The following SLC27A5 variants were observed in gnomAD, a reference collection of about 807,000 sequenced individuals.
SLC27A5 encodes long-chain fatty acid transport protein 5.
A neutral mutation model predicts 63.1 loss-of-function variants in SLC27A5; 47 were observed. The observed-to-expected ratio is 0.74, with a 90% CI of 0.59 to 0.95. The LOEUF is 0.95. SLC27A5 is among the 40% of genes least tolerant of loss of function. SLC27A5 has a pLI of 0.00. For missense variants in SLC27A5, 940 were observed against 921.0 expected (o/e 1.02, Z -0.27); for synonymous variants, 391 against 403.8 (o/e 0.97, Z 0.38).
chr19:58,501,275 T>C lies in SLC27A5; in HGVS notation c.1182+11A>G, dbSNP rs2053270605. 1 of 1,612,192 alleles carries C rather than the reference T, an allele frequency of 6.2e-7. No individual in the cohort carries two copies. The highest frequency in any genetic ancestry group is 1.3e-5 in the African/African-American group (1 of 74,856). On this transcript the variant is annotated intron_variant, in intron 4 of 9. Transcript: ENST00000263093. ...GGTGTTCACCATGGAGCCCTAATCT[T>C]AGAGCCTCACCTGGGGAATGTTACA...
At chr19:58,506,649 CTT>C (rs377249164) in intron 3 of SLC27A5, among the ~76,000 whole-genome samples, 11 of 141,862 alleles carry the variant, frequency 7.8e-5, no homozygotes, top group Non-Finnish European at 6.2e-5. Flanking sequence ...ACTATTTTCA[CTT>C]TTTTTTTTTT....
intron 3 of SLC27A5, chr19:58,507,714 C>G (rs1255357325): frequency 2.6e-5 from 4 of 152,096 alleles, no homozygotes; most frequent in African/African-American, 9.7e-5. Flanking sequence ...ATTTTCCTAG[C>G]AAGGAATATT....
intron 3 of SLC27A5, among the ~76,000 whole-genome samples, chr19:58,505,238 T>A (rs1375333099): frequency 6.6e-6 from 1 of 150,850 alleles, no homozygotes; most frequent in Non-Finnish European, 1.5e-5. Flanking sequence ...TAGCTGGAAA[T>A]ACAGGCGCCC....
chr19:58,503,818 A>C lies in SLC27A5; in HGVS notation c.1058-2408T>G, dbSNP rs563539557. Among the ~76,000 whole-genome samples the C allele has an allele frequency of 1.1e-3, 162 of 150,824 alleles. 1 individual carries two copies. Among genetic ancestry groups the C allele is most frequent in the African/African-American group, 3.7e-3 (149 of 40,796 alleles). On this transcript the variant is annotated intron_variant, in intron 3 of 9. Transcript: ENST00000263093. ...ACAAACAAACAAACAAACAAACAAA[A>C]AAACAGCCAATTGGCTGGGCACAGT...
intron 3 of SLC27A5, among the ~76,000 whole-genome samples, chr19:58,504,905 C>T (rs1193537165): frequency 1.3e-5 from 2 of 150,338 alleles, no homozygotes; most frequent in African/African-American, 4.9e-5. Context: ...ACTCCGGAGA[C>T]TTAGGCAGGA....
chr19:58,509,242 C>G (rs913431360), intron 3 of SLC27A5: 3 of 145,352 alleles, frequency 2.1e-5, no homozygotes, highest in African/African-American at 7.8e-5. Context: ...AAAAATTAGC[C>G]GGGCGTGGTG....
chr19:58,500,191 G>A lies in SLC27A5; in HGVS notation c.1468+148C>T, dbSNP rs926481647. On this transcript the variant is annotated intron_variant, in intron 6 of 9. Transcript: ENST00000263093. The stretch of plus-strand genomic sequence containing the variant: ...AGGCGGAGGCCCCAGATGGTGGTAA[G>A]GCAGGCCACTGGCTCAGGGTCCAGA... 7.6e-6 allele frequency: 5 copies of A among 662,014 alleles called. No homozygotes were observed. The African/African-American group carries it at 9.0e-5, about 12-fold the overall frequency. The allele number at this position is 662,014 out of a possible 1,614,324, so 41.0% of individuals were successfully genotyped here.
At chr19:58,508,005 T>G (rs2053366122) in intron 3 of SLC27A5, 1 of 152,222 alleles carries the variant, frequency 6.6e-6, no homozygotes, top group African/African-American at 2.4e-5. Flanking sequence ...TTTTGCCCTT[T>G]GCCTTGTGAT....
Position 58,498,848 on chromosome 19 carries a change from C to G in SLC27A5, c.1833G>C (p.Lys611Asn), listed in dbSNP as rs1271035007. 1 of 1,613,918 alleles carries G rather than the reference C, an allele frequency of 6.2e-7. No individual in the cohort carries two copies. Among genetic ancestry groups the G allele is most frequent in the African/African-American group, 1.3e-5 (1 of 74,938 alleles). Residue 611 changes from lysine to asparagine, a missense_variant, in exon 9 of 10, where the codon AAG (lysine) becomes AAC (asparagine). Transcript: ENST00000263093. Reference protein sequence around the residue: ...LAPGQTFDGEKLYQHVRAWLP... With the variant: ...LAPGQTFDGENLYQHVRAWLP... ...GCCAAGCGCGAACGTGCTGGTACAA[C>G]TTCTCCCCGTCGAAAGTCTGGCCGG...
intron 3 of SLC27A5, among the ~76,000 whole-genome samples, chr19:58,506,783 A>G (rs1484256221): frequency 6.7e-6 from 1 of 150,332 alleles, no homozygotes; most frequent in Non-Finnish European, 1.5e-5. Flanking sequence ...CTAATTTTGT[A>G]TTTTCAGTAC....
chr19:58,504,168 G>T (rs1317160415), intron 3 of SLC27A5, among the ~76,000 whole-genome samples: 1 of 152,062 alleles, frequency 6.6e-6, no homozygotes, highest in African/African-American at 2.4e-5. Context: ...ACATAGACTG[G>T]ACATCATATG....
intron 3 of SLC27A5, among the ~76,000 whole-genome samples, 193 bp from the exon 4 acceptor site, chr19:58,501,603 T>C (rs2053274749): frequency 6.6e-6 from 1 of 152,238 alleles, no homozygotes; most frequent in East Asian, 1.9e-4. Flanking sequence ...AAATCCTGTC[T>C]CCAGGATGCC....
At chr19:58,505,966 C>G (rs2053341619) in intron 3 of SLC27A5, among the ~76,000 whole-genome samples, 1 of 150,910 alleles carries the variant, frequency 6.6e-6, no homozygotes, top group Non-Finnish European at 1.5e-5. Context: ...GCCTGGCCAA[C>G]ATGGTTAAAC....
At chr19:58,510,399 C>A (rs1056348064) in intron 2 of SLC27A5, 2 of 334,108 alleles carry the variant, frequency 6.0e-6, no homozygotes, top group African/African-American at 4.3e-5. Flanking sequence ...CTTGGGGAAA[C>A]CCTGTCTCTA....
chr19:58,500,496 G>C lies in SLC27A5; in HGVS notation c.1377+16C>G, dbSNP rs781395619. The C allele has an allele frequency of 6.2e-7, 1 of 1,613,756 alleles. No homozygotes were observed. On this transcript the variant is annotated intron_variant, in intron 5 of 9. Coordinates refer to ENST00000263093, the MANE Select transcript of SLC27A5 (RefSeq NM_012254.3). ...CAGCCTCAGGGCAGCTGCACACCAG[G>C]TACCCGCACACTCACTCGGAGGAGG...
Position 58,498,769 on chromosome 19 carries a change from G to A in SLC27A5, c.1896+16C>T. The A allele has an allele frequency of 6.2e-7, 1 of 1,612,346 alleles. No individual in the cohort carries two copies. The highest frequency in any genetic ancestry group is 8.5e-7 in the Non-Finnish European group (1 of 1,178,760). On this transcript the variant is annotated intron_variant, in intron 9 of 9. Transcript: ENST00000263093. The stretch of plus-strand genomic sequence containing the variant: ...CTATGATCTTCCACCCACCCACCAG[G>A]CCACCCTGGGCTCACCTGGATGCGG...
rs758455868 is a variant in SLC27A5 at position 58,510,797 on chromosome 19, G to A, written c.822C>T (p.His274=). 1.2e-6 allele frequency: 2 copies of A among 1,613,678 alleles called. No individual in the cohort carries two copies. Among genetic ancestry groups the A allele is most frequent in the East Asian group, 2.2e-5 (1 of 44,886 alleles). ...LGAALDAAPS[H]PVPADLRAGI... is the part of the protein sequence containing the mutation. ...CAGCACGCAGGTCAGCAGGCACTGG[G>A]TGGGAGGGCGCTGCATCCAGGGCAG... is the stretch of plus-strand genomic sequence containing the variant. The change falls in exon 2 of 10, where the codon CAC becomes CAT. Residue 274 remains histidine, a synonymous_variant. Coordinates refer to ENST00000263093, the MANE Select transcript of SLC27A5 (RefSeq NM_012254.3).
chr19:58,502,760 T>A (rs55663939), intron 3 of SLC27A5, among the ~76,000 whole-genome samples: 103 of 143,296 alleles, frequency 7.2e-4, no homozygotes, highest in Middle Eastern at 3.7e-3. Flanking sequence ...AGTGAGTGAG[T>A]AGATGGATGG....
Position 58,499,121 on chromosome 19 carries a change from A to T in SLC27A5, c.1765+2T>A, listed in dbSNP as rs2053242606. 2.5e-6 allele frequency: 4 copies of T among 1,613,936 alleles called. No homozygotes were observed. In the Admixed American group the frequency reaches 6.7e-5, roughly 27 times the overall value. ...GAAGTTTAAAATGAGAACCCTCCGC[A>T]CCTGGCACGCACACGCCATACACGT... is the stretch of plus-strand genomic sequence containing the variant. On this transcript the variant is annotated splice_donor_variant, in intron 8 of 9. Coordinates refer to ENST00000263093, the MANE Select transcript of SLC27A5 (RefSeq NM_012254.3). LOFTEE classifies it high-confidence loss of function.
Sources: gnomAD v4.1 joint callset for allele counts (sites outside exome capture counted in the v4.1 genomes callset) on GRCh38, gnomAD v4.1.1 for gene constraint, MANE v1.5 for transcripts, NCBI Gene and HGNC (gene_info 2026-07-23, HGNC 2026-07-21) for gene names.